The following UNC5D variants were observed in gnomAD, a reference collection of about 807,000 sequenced individuals.
UNC5D encodes netrin receptor UNC5D.
In UNC5D, 39 loss-of-function variants were observed where a neutral mutation model predicts 105.4. The observed-to-expected ratio is 0.37, with a 90% CI of 0.29 to 0.48. The LOEUF (loss-of-function observed/expected upper bound fraction) is 0.48. Among genes scored for constraint, UNC5D ranks in the 20% least tolerant of loss-of-function variants. UNC5D has a pLI of 0.98. For missense variants in UNC5D, 991 were observed against 1,202.4 expected, an observed-to-expected ratio of 0.82 and a Z score of 2.60; for synonymous variants, 452 against 450.4, an observed-to-expected ratio of 1.00 and a Z score of -0.04.
At chr8:35,560,464 T>C (rs771000011) in intron 2 of UNC5D, among the ~76,000 whole-genome samples, 4 of 152,258 alleles carry the variant, frequency 2.6e-5, no homozygotes, top group African/African-American at 4.8e-5. Context: ...TAAGGGTATG[T>C]ATGTATACAT....
chr8:35,732,262 G>T (rs554081052), intron 11 of UNC5D, among the ~76,000 whole-genome samples: 42 of 152,276 alleles, frequency 2.8e-4, no homozygotes, highest in African/African-American at 1.0e-3. Context: ...TTAACTTTCT[G>T]CTGTACAGGG....
intron 1 of UNC5D, among the ~76,000 whole-genome samples, chr8:35,513,314 C>G (rs2130378856): frequency 6.6e-6 from 1 of 151,192 alleles, no homozygotes; most frequent in African/African-American, 2.4e-5. Context: ...CTGCAACCTC[C>G]ACCTCCCAGG....
At chr8:35,599,753 A>G in intron 4 of UNC5D, among the ~76,000 whole-genome samples, 1 of 152,314 alleles carries the variant, frequency 6.6e-6, no homozygotes, top group East Asian at 1.9e-4. Context: ...ATATAAATTT[A>G]TTAACTCAAT....
chr8:35,481,704 T>TG (rs1810497323), intron 1 of UNC5D, among the ~76,000 whole-genome samples: 1 of 152,236 alleles, frequency 6.6e-6, no homozygotes, highest in Non-Finnish European at 1.5e-5. Context: ...TCCTATCATC[T>TG]TGTTAATTAA....
intron 1 of UNC5D, among the ~76,000 whole-genome samples, chr8:35,342,971 G>C (rs75887977): frequency 0.015 from 2,326 of 152,146 alleles, 66 homozygotes; most frequent in African/African-American, 0.054. Flanking sequence ...CTAAGCAGTG[G>C]TTTCTTAAGT....
At chr8:35,372,306 G>A (rs1266178651) in intron 1 of UNC5D, among the ~76,000 whole-genome samples, 3 of 151,754 alleles carry the variant, frequency 2.0e-5, no homozygotes, top group South Asian at 2.1e-4. Context: ...TGTATTTTTG[G>A]TAGAGACAGG....
chr8:35,540,942 G>C (rs1815229425), intron 1 of UNC5D, among the ~76,000 whole-genome samples: 1 of 152,078 alleles, frequency 6.6e-6, no homozygotes, highest in African/African-American at 2.4e-5. Flanking sequence ...ACTGGTCTTA[G>C]GGCCCATGCT....
chr8:35,692,053 G>A (rs1055502696), intron 7 of UNC5D, among the ~76,000 whole-genome samples: 4 of 152,160 alleles, frequency 2.6e-5, no homozygotes, highest in South Asian at 2.1e-4. Flanking sequence ...TAGTCCGTTC[G>A]TCTTGTCAAG....
intron 4 of UNC5D, among the ~76,000 whole-genome samples, chr8:35,638,845 A>C (rs1321736454): frequency 6.6e-6 from 1 of 152,152 alleles, no homozygotes; most frequent in Non-Finnish European, 1.5e-5. Context: ...AGCCTCAGTC[A>C]CAGTATGAAG....
At chr8:35,764,801 C>T (rs1801692764) in intron 14 of UNC5D, among the ~76,000 whole-genome samples, 1 of 152,150 alleles carries the variant, frequency 6.6e-6, no homozygotes, top group African/African-American at 2.4e-5. Flanking sequence ...CAGCATTTTC[C>T]CCAGACAATA....
At chr8:35,506,851 G>A (rs951443259) in intron 1 of UNC5D, among the ~76,000 whole-genome samples, 1 of 152,138 alleles carries the variant, frequency 6.6e-6, no homozygotes, top group African/African-American at 2.4e-5. Flanking sequence ...GACAGACGTG[G>A]CTTGGTGGGT....
chr8:35,500,916 G>T (rs1346827172), intron 1 of UNC5D, among the ~76,000 whole-genome samples: 2 of 151,878 alleles, frequency 1.3e-5, no homozygotes, highest in Non-Finnish European at 2.9e-5. Flanking sequence ...TCTAATAGGG[G>T]TTTGGAAATT....
intron 1 of UNC5D, among the ~76,000 whole-genome samples, chr8:35,282,498 G>A (rs17255316): frequency 0.012 from 1,892 of 152,194 alleles, 29 homozygotes; most frequent in Non-Finnish European, 0.021. Flanking sequence ...GGCATAAGGA[G>A]TTGTCAGGAA....
intron 1 of UNC5D, among the ~76,000 whole-genome samples, chr8:35,376,542 G>A (rs1200047314): frequency 1.3e-5 from 2 of 152,152 alleles, no homozygotes. Flanking sequence ...TATTTAGAGC[G>A]AGAATGGAGG....
intron 1 of UNC5D, among the ~76,000 whole-genome samples, chr8:35,282,710 C>A (rs114094886): frequency 7.7e-3 from 1,047 of 135,256 alleles, no homozygotes; most frequent in Non-Finnish European, 8.7e-3. Flanking sequence ...TATTAAAAGA[C>A]AAAAAAAAAA....
intron 1 of UNC5D, among the ~76,000 whole-genome samples, chr8:35,266,705 G>A (rs186549426): frequency 3.3e-5 from 5 of 152,200 alleles, no homozygotes; most frequent in Admixed American, 1.3e-4. Context: ...TGAATGCCTG[G>A]AAGTGACCAG....
chr8:35,712,772 A>C (rs1050127810), intron 8 of UNC5D, among the ~76,000 whole-genome samples: 3 of 152,282 alleles, frequency 2.0e-5, no homozygotes, highest in Middle Eastern at 3.4e-3. Flanking sequence ...TTGAATCCAC[A>C]AAACTGTCTG....
chr8:35,271,698 T>TATATATGTATACATGTATACAG (rs1805380260), intron 1 of UNC5D, among the ~76,000 whole-genome samples: 3 of 92,236 alleles, frequency 3.3e-5, no homozygotes, highest in African/African-American at 1.2e-4. Flanking sequence ...CATGTATACA[T>TATATATGTATACATGTATACAG]GTATACATAT....
intron 1 of UNC5D, among the ~76,000 whole-genome samples, chr8:35,416,945 T>A (rs1266925837): frequency 8.5e-5 from 13 of 152,204 alleles, no homozygotes; most frequent in Non-Finnish European, 1.6e-4. Flanking sequence ...TTATTTTTAT[T>A]TTTAATTGTT....
Sources: gnomAD v4.1 joint callset for allele counts (sites outside exome capture counted in the v4.1 genomes callset) on GRCh38, gnomAD v4.1.1 for gene constraint, MANE v1.5 for transcripts, NCBI Gene and HGNC (gene_info 2026-07-23, HGNC 2026-07-21) for gene names.